SLC24A1: variants seen among roughly 807,000 people sequenced by gnomAD.
SLC24A1 encodes the protein solute carrier family 24 member 1.
A neutral mutation model predicts 88.1 loss-of-function variants in SLC24A1; 52 were observed. The ratio of observed to expected loss-of-function variants is 0.59; its 90% CI spans 0.47 to 0.74. SLC24A1 has a LOEUF of 0.74. Ranked by LOEUF, SLC24A1 falls within the 30% of genes least tolerant of loss-of-function variation. The pLI is 0.00. For synonymous variants in SLC24A1, 455 were observed against 498.0 expected, an observed-to-expected ratio of 0.91 and a Z score of 1.15; for missense variants, 1,173 against 1,363.3, an observed-to-expected ratio of 0.86 and a Z score of 2.20.
chr15:65,618,639 T>C (rs2074224763), upstream of SLC24A1, among the ~76,000 whole-genome samples: 1 of 152,238 alleles, frequency 6.6e-6, no homozygotes, highest in African/African-American at 2.4e-5. Flanking sequence ...TTCACCGGTA[T>C]CTTCGATGGC....
chr15:65,634,115 G>C (rs1290192750), intron 2 of SLC24A1, among the ~76,000 whole-genome samples: 1 of 152,188 alleles, frequency 6.6e-6, no homozygotes, highest in African/African-American at 2.4e-5. Context: ...ACTGTATTCA[G>C]TGAAGGGCTA....
intron 4 of SLC24A1, among the ~76,000 whole-genome samples, chr15:65,643,435 G>C (rs962043737): frequency 2.6e-5 from 4 of 152,146 alleles, no homozygotes; most frequent in Non-Finnish European, 2.9e-5. Flanking sequence ...CGGCACACAG[G>C]CTTCCCAAAG....
chr15:65,624,862 C>T lies in SLC24A1; in HGVS notation c.782C>T (p.Thr261Ile). ...TTTGATAGCACCCCAACTTTTCTGA[C>T]ACATGAGGTAGAAGCAAACGTCTTG... ...GMFDSTPTFL[T>I]HEVEANVLTS... Residue 261 changes from threonine to isoleucine, a missense_variant, in exon 2 of 10, where the codon ACA becomes ATA. Thr to Ile is a moderately conservative substitution (Grantham distance 89). Transcript: ENST00000261892. 6.2e-7 allele frequency: 1 copy of T among 1,614,050 alleles called. No individual in the cohort carries two copies. Among genetic ancestry groups the T allele is most frequent in the Non-Finnish European group, 8.5e-7 (1 of 1,179,900 alleles).
Position 65,650,525 on chromosome 15 carries a change from A to G in SLC24A1, c.2376A>G (p.Glu792=). Residue 792 remains glutamate, a synonymous_variant, in exon 7 of 10, where the codon GAA becomes GAG. Coordinates refer to ENST00000261892, the MANE Select transcript of SLC24A1 (RefSeq NM_004727.3). This position sits in a 1 kb window ranked among gnomAD's most constrained non-coding sequence, Gnocchi z 4.1. ...AAACTGAAACACAAGGAAAAGGAGA[A>G]GAATGTGAAGATGAAAATGAAGCAG... is the stretch of plus-strand genomic sequence containing the variant. ...EGETETQGKG[E]ECEDENEAEG... is the part of the protein sequence containing the mutation. 1 of 1,551,854 alleles carries G rather than the reference A, an allele frequency of 6.4e-7. No individual in the cohort carries two copies. The highest frequency in any genetic ancestry group is 1.2e-5 in the South Asian group (1 of 84,060).
chr15:65,652,550 A>C, intron 8 of SLC24A1, 92 bp from the exon 9 acceptor site: 3 of 1,217,610 alleles, frequency 2.5e-6, no homozygotes, highest in Non-Finnish European at 3.5e-6. Context: ...TGAGCTCCTT[A>C]GAAGGCAGTC....
intron 1 of SLC24A1, among the ~76,000 whole-genome samples, chr15:65,623,548 C>A (rs2074392297): frequency 1.3e-5 from 2 of 152,228 alleles, no homozygotes; most frequent in Admixed American, 6.5e-5. Context: ...AAAGCCATAT[C>A]TCCCTACCTC....
At chr15:65,643,601 C>T (rs1432342664) in intron 4 of SLC24A1, among the ~76,000 whole-genome samples, 1 of 152,242 alleles carries the variant, frequency 6.6e-6, no homozygotes, top group African/African-American at 2.4e-5. Flanking sequence ...TTCTTCCCTT[C>T]TCACCTTGAA....
chr15:65,653,003 C>T, intron 9 of SLC24A1, 195 bp downstream of exon 9: 2 of 416,174 alleles, frequency 4.8e-6, no homozygotes, highest in Non-Finnish European at 4.2e-6. Flanking sequence ...TAAAATGCTG[C>T]CTGAAATGTA....
intron 7 of SLC24A1, 23 bp from the exon 8 acceptor site, chr15:65,651,647 G>A (rs1196754437): frequency 3.0e-6 from 4 of 1,314,878 alleles, no homozygotes; most frequent in African/African-American, 2.9e-5. Context: ...CTTACTTCTT[G>A]TCCTTTTCAA....
chr15:65,623,797 C>T (rs2074402395), intron 1 of SLC24A1, among the ~76,000 whole-genome samples, 158 bp from the exon 2 acceptor site: 1 of 152,174 alleles, frequency 6.6e-6, no homozygotes, highest in South Asian at 2.1e-4. Context: ...GCATTTTCCT[C>T]TGGAGCAGGG....
chr15:65,650,372 TG>T lies in SLC24A1; in HGVS notation c.2233-8del, dbSNP rs2075455130. 5.2e-6 allele frequency: 8 copies of T among 1,548,210 alleles called. No homozygotes were observed. The South Asian group carries it at 7.2e-5, about 14-fold the overall frequency. ...TTACCACACATTAATCTGTTGGTTT[TG>T]GATTGCAGGAAGATGTGGCTGAGGC... On this transcript the variant is annotated splice_polypyrimidine_tract_variant and intron_variant, in intron 6 of 9. Coordinates refer to ENST00000261892, the MANE Select transcript of SLC24A1 (RefSeq NM_004727.3). This position sits in a 1 kb window ranked among gnomAD's most constrained non-coding sequence, Gnocchi z 4.1.
Position 65,654,599 on chromosome 15 carries a change from T to C in SLC24A1, c.*520T>C. The stretch of plus-strand genomic sequence containing the variant: ...TTTGTAATCACTGTAGCTTCAGTTA[T>C]TGGTGAGTCTAAGGATCCAAGGCTA... On this transcript the variant is annotated 3_prime_UTR_variant, in exon 10 of 10. Transcript: ENST00000261892. 2.5e-6 allele frequency: 3 copies of C among 1,219,164 alleles called. No individual in the cohort carries two copies. Among genetic ancestry groups the C allele is most frequent in the Non-Finnish European group, 3.1e-6 (3 of 961,232 alleles). 75.5% of individuals were successfully genotyped at this position (1,219,164 alleles called of 1,614,324 possible). A position where few individuals can be genotyped will look rare whatever the true frequency, so the allele number is the denominator to read the frequency against.
rs76586434 is a variant in SLC24A1, at chr15:65,623,833, G to T, written c.-126-122G>T. 5.2e-3 allele frequency: 2,282 copies of T among 437,008 alleles called. 44 individuals carry two copies. The highest frequency in any genetic ancestry group is 0.042 in the African/African-American group (2,106 of 49,910). The allele number at this position is 437,008 out of a possible 1,614,324, so 27.1% of individuals were successfully genotyped here. On this transcript the variant is annotated intron_variant, in intron 1 of 9. Coordinates refer to ENST00000261892, the MANE Select transcript of SLC24A1 (RefSeq NM_004727.3). ...GGCAGGAGTAGTTTACTCTTGCAAAGACCCCATGCATGATACTTTTGTGTT... is the reference window on the plus strand; with the variant it reads ...GGCAGGAGTAGTTTACTCTTGCAAATACCCCATGCATGATACTTTTGTGTT...
intron 4 of SLC24A1, among the ~76,000 whole-genome samples, chr15:65,642,067 G>C (rs958783063): frequency 6.6e-6 from 1 of 152,182 alleles, no homozygotes. Context: ...GACTGCAGAT[G>C]TCCTCTGGGA....
chr15:65,656,121 G>A lies in SLC24A1; in HGVS notation c.*2042G>A, dbSNP rs1161566036. 3.0e-6 allele frequency: 3 copies of A among 985,382 alleles called. No homozygotes were observed. Among genetic ancestry groups the A allele is most frequent in the Middle Eastern group, 5.2e-4 (1 of 1,914 alleles). The allele number at this position is 985,382 out of a possible 1,614,324, so 61.0% of individuals were successfully genotyped here. On this transcript the variant is annotated 3_prime_UTR_variant, in exon 10 of 10. Coordinates refer to ENST00000261892, the MANE Select transcript of SLC24A1 (RefSeq NM_004727.3). The stretch of plus-strand genomic sequence containing the variant: ...TCTGCAGCCCGTTCCCGTTAGCCTC[G>A]GGGATGTCACCTCACCCACAGCCTG...
At position 65,653,794 on chromosome 15, in the gene SLC24A1, A is replaced by G. The variant is rs1365865389; in HGVS notation, c.3051-36A>G. The G allele has an allele frequency of 3.7e-6, 6 of 1,607,060 alleles. No homozygotes were observed. In the East Asian group the frequency reaches 1.3e-4, roughly 36 times the overall value. ...TTAAGTGTATGGGATTATTATAAACATTAAGGATATTCACATCGTTTCTTC... is the reference window on the plus strand; with the variant it reads ...TTAAGTGTATGGGATTATTATAAACGTTAAGGATATTCACATCGTTTCTTC... On this transcript the variant is annotated intron_variant, in intron 9 of 9. Transcript: ENST00000261892.
chr15:65,639,609 G>A lies in SLC24A1; in HGVS notation c.1959G>A (p.Leu653=), dbSNP rs1157445782. 2 of 1,609,634 alleles carry A rather than the reference G, an allele frequency of 1.2e-6. No homozygotes were observed. Among genetic ancestry groups the A allele is most frequent in the Non-Finnish European group, 1.7e-6 (2 of 1,178,262 alleles). ...CTCTTGCTCAGCTCCCGTCCTTGCT[G>A]ACCCGAGGGAGCAGCTCGACCTCTC... The part of the protein sequence containing the change: ...DNKKLKLPSL[L]TRGSSSTSLH... The change falls in exon 4 of 10, where the codon CTG becomes CTA. Residue 653 remains leucine, a synonymous_variant. Transcript: ENST00000261892.
At chr15:65,636,014 C>T (rs2074920849) in intron 2 of SLC24A1, among the ~76,000 whole-genome samples, 1 of 152,174 alleles carries the variant, frequency 6.6e-6, no homozygotes, top group African/African-American at 2.4e-5. Context: ...AGATCAAGCA[C>T]TATTTTCTAT....
Position 65,625,726 on chromosome 15 carries a change from A to T in SLC24A1, c.1646A>T (p.Glu549Val). ...VIGTCSLFSR[E>V]ILNLTWWPLF... Reference sequence around the variant, plus strand: ...GGCACTTGTTCCCTCTTCTCCCGAGAGATCCTCAACCTCACCTGGTGGCCC... The same window carrying T: ...GGCACTTGTTCCCTCTTCTCCCGAGTGATCCTCAACCTCACCTGGTGGCCC... Residue 549 changes from glutamate (E) to valine (V), a missense_variant, in exon 2 of 10, where the codon GAG becomes GTG. By Grantham distance (121) the Glu-to-Val change is moderately radical. Transcript: ENST00000261892. 1 of 1,614,000 alleles carries T rather than the reference A, an allele frequency of 6.2e-7. No homozygotes were observed. The highest frequency in any genetic ancestry group is 8.5e-7 in the Non-Finnish European group (1 of 1,179,900).
Sources: gnomAD v4.1 joint callset for allele counts (sites outside exome capture counted in the v4.1 genomes callset) on GRCh38, gnomAD v4.1.1 for gene constraint, Gnocchi (gnomAD v3.1) non-coding constraint, MANE v1.5 for transcripts, NCBI Gene and HGNC (gene_info 2026-07-23, HGNC 2026-07-21) for gene names.